Variants in MYZAP observed in about 807,000 individuals in gnomAD.
The protein encoded by MYZAP is GRINL1A complex locus upstream.
A neutral mutation model predicts 69.4 loss-of-function variants in MYZAP; 66 were observed. The ratio of observed to expected loss-of-function variants is 0.95; its 90% CI spans 0.78 to 1.17. MYZAP has a LOEUF of 1.17. Ranked by LOEUF, MYZAP falls within the 50% of genes most tolerant of loss-of-function variation. The probability of loss-of-function intolerance (pLI) is 0.00; values close to 1 mark genes in which losing one functional copy is unlikely to be tolerated. For synonymous variants in MYZAP, 256 were observed against 205.9 expected (o/e 1.24, Z -2.09); for missense variants, 611 against 556.2 (o/e 1.10, Z -0.99).
At chr15:57,663,475 G>A (rs369404408) in intron 11 of MYZAP, among the ~76,000 whole-genome samples, 89 of 152,316 alleles carry the variant, frequency 5.8e-4, no homozygotes, top group African/African-American at 1.9e-3. Context: ...AGCCAATAGC[G>A]GTGCCATATC....
chr15:57,607,796 C>G (rs192693673), intron 2 of MYZAP, among the ~76,000 whole-genome samples: 2 of 152,236 alleles, frequency 1.3e-5, no homozygotes, highest in Admixed American at 1.3e-4. Context: ...TGGTGGCAGC[C>G]CTTGAAGTTT....
intron 10 of MYZAP, chr15:57,648,628 A>T (rs1011567727): frequency 4.1e-5 from 9 of 218,554 alleles, no homozygotes; most frequent in Admixed American, 6.5e-5. Flanking sequence ...ACAGACCCAG[A>T]TCTGTGACTC....
Position 57,629,856 on chromosome 15 carries a change from T to C in MYZAP, c.678+2T>C, listed in dbSNP as rs1426135348. ...GAAAACCAGCTGCTAAAAATGAAGG[T>C]GGAGTATAAAAGCCTAGATTTATTT... On this transcript the variant is annotated splice_donor_variant, in intron 6 of 12. Coordinates refer to ENST00000267853, the MANE Select transcript of MYZAP (RefSeq NM_001018100.5). LOFTEE classifies it high-confidence loss of function. 4 of 1,613,058 alleles carry C rather than the reference T, an allele frequency of 2.5e-6. No homozygotes were observed. Among genetic ancestry groups the C allele is most frequent in the Non-Finnish European group, 3.4e-6 (4 of 1,179,768 alleles).
chr15:57,658,447 C>T (rs2038113428), intron 10 of MYZAP, among the ~76,000 whole-genome samples: 1 of 152,196 alleles, frequency 6.6e-6, no homozygotes, highest in Non-Finnish European at 1.5e-5. Flanking sequence ...TTGTTCCAAT[C>T]AGCATACACT....
chr15:57,661,604 G>T, intron 11 of MYZAP, 71 bp downstream of exon 11: 2 of 1,299,308 alleles, frequency 1.5e-6, no homozygotes, highest in South Asian at 1.4e-5. Context: ...GCCTACCACC[G>T]ACACTTAATT....
rs534122630 is a variant in MYZAP at position 57,653,076 on chromosome 15, C to T, written c.1120-8374C>T. 4.6e-5 allele frequency among the ~76,000 whole-genome samples: 7 copies of T among 152,084 alleles called. No individual in the cohort carries two copies. In the East Asian group the frequency reaches 9.6e-4, roughly 21 times the overall value. The stretch of plus-strand genomic sequence containing the variant: ...CAGAATGTCTATAAATGAGGGCCCA[C>T]GAGAAGGAATAACAAAGCAGGGGTG... On this transcript the variant is annotated intron_variant, in intron 10 of 12. Coordinates refer to ENST00000267853, the MANE Select transcript of MYZAP (RefSeq NM_001018100.5).
intron 12 of MYZAP, among the ~76,000 whole-genome samples, chr15:57,679,723 G>C (rs975710868): frequency 1.3e-5 from 2 of 151,970 alleles, no homozygotes; most frequent in Non-Finnish European, 2.9e-5. Flanking sequence ...CTTGGTTCCG[G>C]TACTTTCTGC....
chr15:57,621,645 A>C lies in MYZAP; in HGVS notation c.356A>C (p.Tyr119Ser). 1 of 1,614,026 alleles carries C rather than the reference A, an allele frequency of 6.2e-7. No homozygotes were observed. The change falls in exon 4 of 13, where the codon TAT becomes TCT. Residue 119 changes from tyrosine (Y) to serine (S), a missense_variant. Tyr to Ser is a moderately radical substitution (Grantham distance 144, BLOSUM62 -2). Transcript: ENST00000267853. ...TTGGAAAAGGTGAGAAAGCGAATGTATGGAGACTATGATGAGATGAGACAG... is the reference window on the plus strand; with the variant it reads ...TTGGAAAAGGTGAGAAAGCGAATGTCTGGAGACTATGATGAGATGAGACAG... The part of the protein sequence containing the change: ...ATLEKVRKRM[Y>S]GDYDEMRQKI...
intron 10 of MYZAP, chr15:57,647,355 A>G: frequency 1.0e-6 from 1 of 985,430 alleles, no homozygotes; most frequent in Non-Finnish European, 1.2e-6. Flanking sequence ...GGCAGATTTG[A>G]GAATCTCATC....
chr15:57,660,294 C>A (rs187302709), intron 10 of MYZAP, among the ~76,000 whole-genome samples: 3 of 152,098 alleles, frequency 2.0e-5, no homozygotes, highest in Non-Finnish European at 4.4e-5. Context: ...GGAATAGTGT[C>A]ATTTTGCATG....
chr15:57,663,124 C>G (rs180777035), intron 11 of MYZAP, among the ~76,000 whole-genome samples: 22 of 152,224 alleles, frequency 1.4e-4, no homozygotes, highest in African/African-American at 5.1e-4. Context: ...TAGTGGAAGC[C>G]CATGTGGCCA....
intron 9 of MYZAP, 80 bp downstream of exon 9, chr15:57,637,854 C>T: frequency 7.1e-7 from 1 of 1,399,288 alleles, no homozygotes; most frequent in South Asian, 1.3e-5. Context: ...TTGACCCTTA[C>T]ATTTTCATTT....
chr15:57,664,705 A>G (rs1165987932), intron 11 of MYZAP, among the ~76,000 whole-genome samples: 2 of 152,214 alleles, frequency 1.3e-5, no homozygotes, highest in African/African-American at 4.8e-5. Flanking sequence ...TTTGGTAGAT[A>G]AATCTGGTAG....
At chr15:57,673,455 CGTGCATGCGTGTGT>C (rs1461380821) in intron 11 of MYZAP, among the ~76,000 whole-genome samples, 32 of 137,586 alleles carry the variant, frequency 2.3e-4, no homozygotes, top group African/African-American at 8.3e-4. Flanking sequence ...TGTGCGCATG[CGTGCATGCGTGTGT>C]GTGTGTGTGT....
chr15:57,628,217 G>A (rs909139949), intron 5 of MYZAP, among the ~76,000 whole-genome samples: 11 of 152,306 alleles, frequency 7.2e-5, no homozygotes, highest in Middle Eastern at 3.4e-3. Context: ...TCTAAGGAGA[G>A]TTAACCAAGT....
intron 11 of MYZAP, among the ~76,000 whole-genome samples, chr15:57,663,245 C>G (rs1455445789): frequency 6.6e-6 from 1 of 151,308 alleles, no homozygotes; most frequent in African/African-American, 2.4e-5. Context: ...AAAGCAAGCT[C>G]TCCTACTGGT....
At chr15:57,612,966 C>G (rs981684805) in intron 2 of MYZAP, among the ~76,000 whole-genome samples, 2 of 152,050 alleles carry the variant, frequency 1.3e-5, no homozygotes, top group African/African-American at 4.8e-5. Context: ...GAGTCTCGCT[C>G]TGTCGCCCAG....
intron 11 of MYZAP, among the ~76,000 whole-genome samples, chr15:57,663,401 C>G (rs1433298512): frequency 2.6e-5 from 4 of 152,170 alleles, no homozygotes; most frequent in African/African-American, 9.7e-5. Context: ...GATAGTTTAT[C>G]TGGGAGGCGA....
intron 10 of MYZAP, among the ~76,000 whole-genome samples, chr15:57,651,698 A>T (rs1453738937): frequency 1.3e-5 from 2 of 152,208 alleles, no homozygotes; most frequent in African/African-American, 4.8e-5. Context: ...CCTCAGTTTC[A>T]TGGTCTGGTG....
Sources: allele counts gnomAD v4.1 joint callset (sites outside exome capture counted in the v4.1 genomes callset), GRCh38; gene constraint gnomAD v4.1.1; transcripts MANE v1.5; gene names NCBI Gene and HGNC (gene_info 2026-07-23, HGNC 2026-07-21).